LHCGR: variants seen among roughly 807,000 people sequenced by gnomAD.
The protein encoded by LHCGR is lutropin-choriogonadotropic hormone receptor.
A neutral mutation model predicts 60.7 loss-of-function variants in LHCGR; 55 were observed. The ratio of observed to expected loss-of-function variants is 0.91; its 90% CI spans 0.73 to 1.13. The LOEUF (loss-of-function observed/expected upper bound fraction) is 1.13, where lower values mean the gene tolerates loss of function less well. LHCGR is among the 50% of genes most tolerant of loss of function. The pLI is 0.00. For synonymous variants in LHCGR, 337 were observed against 316.5 expected, an observed-to-expected ratio of 1.06 and a Z score of -0.69; for missense variants, 862 against 836.0, an observed-to-expected ratio of 1.03 and a Z score of -0.38.
At chr2:48,723,995 A>T (rs1363826434) in intron 4 of LHCGR, among the ~76,000 whole-genome samples, 1 of 152,168 alleles carries the variant, frequency 6.6e-6, no homozygotes, top group Non-Finnish European at 1.5e-5. Context: ...TTTTCTTATT[A>T]AATCAATCAC....
chr2:48,708,989 C>A lies in LHCGR; in HGVS notation c.639G>T (p.Met213Ile). The A allele has an allele frequency of 6.2e-7, 1 of 1,614,204 alleles. No homozygotes were observed. The stretch of plus-strand genomic sequence containing the variant: ...TGGCCCCACGGAAGGCTCCATTGTG[C>A]ATCTTCTCCAGATGTACGTTTTCCT... The part of the protein sequence containing the change: ...ELKENVHLEK[M>I]HNGAFRGATG... The change falls in exon 8 of 11, where the codon ATG becomes ATT. Residue 213 changes from methionine (M) to isoleucine (I), a missense_variant. Transcript: ENST00000294954.
At chr2:48,705,507 A>G (rs923493589) in intron 8 of LHCGR, among the ~76,000 whole-genome samples, 7 of 152,110 alleles carry the variant, frequency 4.6e-5, no homozygotes, top group Admixed American at 1.3e-4. Context: ...GTCTCCCATT[A>G]TTATTGTGTG....
At chr2:48,726,531 A>G (rs896096188) in intron 3 of LHCGR, among the ~76,000 whole-genome samples, 3 of 152,182 alleles carry the variant, frequency 2.0e-5, no homozygotes, top group African/African-American at 4.8e-5. Flanking sequence ...CTGTGACTCT[A>G]CAAAAAGTAG....
chr2:48,708,138 G>T (rs1351614411), intron 8 of LHCGR, among the ~76,000 whole-genome samples: 2 of 152,182 alleles, frequency 1.3e-5, no homozygotes, highest in East Asian at 3.8e-4. Context: ...GACTGGATCT[G>T]TTCCTATTCG....
chr2:48,724,525 A>G (rs939531633), intron 4 of LHCGR, among the ~76,000 whole-genome samples: 3 of 152,198 alleles, frequency 2.0e-5, no homozygotes, highest in African/African-American at 7.2e-5. Flanking sequence ...CCCAGGTCAC[A>G]CTGGATCTCT....
chr2:48,693,303 C>G lies in LHCGR; in HGVS notation c.947+921G>C, dbSNP rs574219813. 1.1e-4 allele frequency among the ~76,000 whole-genome samples: 16 copies of G among 152,246 alleles called. 2 individuals carry two copies. The highest frequency in any genetic ancestry group is 3.6e-4 in the African/African-American group (15 of 41,536). On this transcript the variant is annotated intron_variant, in intron 10 of 10. Coordinates refer to ENST00000294954, the MANE Select transcript of LHCGR (RefSeq NM_000233.4). Reference sequence around the variant, plus strand: ...CCTTCATTCTCATGGTTCTGAAAGCCAAATGGTATTTCTGCTGTTCCTTAC... The same window carrying G: ...CCTTCATTCTCATGGTTCTGAAAGCGAAATGGTATTTCTGCTGTTCCTTAC...
chr2:48,693,854 A>G (rs1252448335), intron 10 of LHCGR, among the ~76,000 whole-genome samples: 1 of 152,208 alleles, frequency 6.6e-6, no homozygotes, highest in Non-Finnish European at 1.5e-5. Context: ...CTACGTTTGC[A>G]ATTAGTTAAT....
intron 3 of LHCGR, 26 bp from the exon 4 acceptor site, chr2:48,725,776 G>C (rs1353361583): frequency 2.0e-6 from 3 of 1,527,684 alleles, no homozygotes; most frequent in Admixed American, 1.7e-5. Context: ...GAAAAAAAAA[G>C]CTGCTGTTTA....
At chr2:48,746,329 A>G (rs1669704086) in intron 1 of LHCGR, among the ~76,000 whole-genome samples, 1 of 152,198 alleles carries the variant, frequency 6.6e-6, no homozygotes. Context: ...TGATTAGGAC[A>G]ACTGAGAGGG....
intron 1 of LHCGR, among the ~76,000 whole-genome samples, chr2:48,735,009 A>T (rs1051205091): frequency 6.6e-6 from 1 of 152,242 alleles, no homozygotes; most frequent in Admixed American, 6.5e-5. Flanking sequence ...ATATTTTCAC[A>T]GTCTTTTTTG....
At chr2:48,694,122 C>A in intron 10 of LHCGR, 102 bp downstream of exon 10, 1 of 810,836 alleles carries the variant, frequency 1.2e-6, no homozygotes, top group Non-Finnish European at 2.1e-6. Flanking sequence ...TGCAACAGCT[C>A]CGTAACCAAG....
chr2:48,698,830 A>G, intron 8 of LHCGR, 30 bp from the exon 9 acceptor site: 1 of 1,544,946 alleles, frequency 6.5e-7, no homozygotes, highest in Non-Finnish European at 8.8e-7. Context: ...AATGCTTTTT[A>G]TTTATTTATT....
intron 1 of LHCGR, among the ~76,000 whole-genome samples, chr2:48,737,966 C>A (rs1669272851): frequency 6.6e-6 from 1 of 152,312 alleles, no homozygotes; most frequent in South Asian, 2.1e-4. Flanking sequence ...TGGTTTCTTC[C>A]TTCCTGGCTT....
At chr2:48,730,632 C>T (rs191651861) in intron 2 of LHCGR, among the ~76,000 whole-genome samples, 5 of 152,088 alleles carry the variant, frequency 3.3e-5, no homozygotes, top group African/African-American at 1.2e-4. Flanking sequence ...AATACTGGGC[C>T]CTTGAGAACA....
At chr2:48,694,490 G>A (rs915891472) in intron 9 of LHCGR, among the ~76,000 whole-genome samples, 186 bp from the exon 10 acceptor site, 2 of 152,262 alleles carry the variant, frequency 1.3e-5, no homozygotes, top group Middle Eastern at 3.4e-3. Context: ...TGTCATTAGA[G>A]TGCTTCCAGC....
chr2:48,728,309 T>A (rs1209544255), intron 3 of LHCGR, among the ~76,000 whole-genome samples: 3 of 152,086 alleles, frequency 2.0e-5, no homozygotes, highest in Non-Finnish European at 2.9e-5. Context: ...GCTGTGAGGA[T>A]TAAATGACAC....
At chr2:48,754,426 A>C (rs905831145) in intron 1 of LHCGR, among the ~76,000 whole-genome samples, 2 of 151,956 alleles carry the variant, frequency 1.3e-5, no homozygotes, top group African/African-American at 4.8e-5. Context: ...AGCCTTTTAG[A>C]TACTCTTGTC....
intron 6 of LHCGR, among the ~76,000 whole-genome samples, chr2:48,715,624 G>A (rs1572854174): frequency 6.6e-6 from 1 of 152,098 alleles, no homozygotes; most frequent in Non-Finnish European, 1.5e-5. Context: ...TAAACAAAAT[G>A]AGCATGGAGC....
rs138386649 is a variant in LHCGR, at chr2:48,712,506, G to A, written c.605+1480C>T. Among the ~76,000 whole-genome samples, 1,281 of 152,078 alleles carry A rather than the reference G, an allele frequency of 8.4e-3. 12 individuals are homozygous for A. Among genetic ancestry groups the A allele is most frequent in the Middle Eastern group, 0.024 (7 of 294 alleles). On this transcript the variant is annotated intron_variant, in intron 7 of 10. Coordinates refer to ENST00000294954, the MANE Select transcript of LHCGR (RefSeq NM_000233.4). ...AGAGTGAACACTTCATTAACTTAAG[G>A]GTTTTTGTTAATGAACCTTTCATTA...
Sources: gnomAD v4.1 joint callset for allele counts (sites outside exome capture counted in the v4.1 genomes callset) on GRCh38, gnomAD v4.1.1 for gene constraint, MANE v1.5 for transcripts, NCBI Gene and HGNC (gene_info 2026-07-23, HGNC 2026-07-21) for gene names.